Variants in NUP188 observed in about 807,000 individuals in gnomAD.
NUP188 encodes the protein nucleoporin 188.
Under a neutral mutation model 223.0 loss-of-function variants are expected in NUP188, and 97 were observed. That is an observed-to-expected ratio of 0.43 (90% CI 0.37 to 0.51). The LOEUF is 0.51. NUP188 is among the 20% of genes least tolerant of loss of function. NUP188 has a pLI of 0.00. For synonymous variants in NUP188, 869 were observed against 828.0 expected (o/e 1.05, Z -0.85); for missense variants, 1,947 against 2,175.6 (o/e 0.89, Z 2.09).
chr9:128,998,669 G>A, intron 32 of NUP188, 46 bp downstream of exon 32: 1 of 1,458,970 alleles, frequency 6.9e-7, no homozygotes, highest in Non-Finnish European at 9.6e-7. Flanking sequence ...GAGCCTTCTT[G>A]TCAGTGCCTG....
intron 1 of NUP188, 193 bp from the exon 2 acceptor site, chr9:128,948,996 A>G: frequency 2.1e-6 from 1 of 467,004 alleles, no homozygotes; most frequent in East Asian, 4.1e-5. Flanking sequence ...AAGTGCTGGG[A>G]TTACAGGCAT....
chr9:128,981,575 G>A (rs1842255058), intron 15 of NUP188, among the ~76,000 whole-genome samples, 185 bp downstream of exon 15: 1 of 152,054 alleles, frequency 6.6e-6, no homozygotes, highest in Non-Finnish European at 1.5e-5. Context: ...AATGCATCCA[G>A]GCAGTTACAC....
In NUP188 at chr9:128,993,371, C is replaced by G; in HGVS notation, c.2815C>G (p.Leu939Val). The G allele has an allele frequency of 6.2e-7, 1 of 1,614,184 alleles. No homozygotes were observed. The highest frequency in any genetic ancestry group is 8.5e-7 in the Non-Finnish European group (1 of 1,180,032). Residue 939 changes from leucine to valine, a missense_variant, in exon 26 of 44, where the codon CTG becomes GTG. Coordinates refer to ENST00000372577, the MANE Select transcript of NUP188 (RefSeq NM_015354.3). ...AGGCCTCATCGAACTGTTTCTGAAC[C>G]TGGAAGTTAAGGATGGCAGTGATGG... ...QPGLIELFLN[L>V]EVKDGSDGSK...
At chr9:128,960,014 T>G (rs1301514391) in intron 8 of NUP188, among the ~76,000 whole-genome samples, 1 of 151,892 alleles carries the variant, frequency 6.6e-6, no homozygotes, top group Non-Finnish European at 1.5e-5. Context: ...TATATCATCT[T>G]ATTATTTTCT....
In NUP188 at chr9:129,000,611, C is replaced by T. The variant is rs1842630580; in HGVS notation, c.3843+806C>T. On this transcript the variant is annotated intron_variant, in intron 34 of 43. Transcript: ENST00000372577. ...GGGATTACAGGCGTGAGCCACCACG[C>T]CTGGCCACAACCAGCATTTTTTTAA... 2.6e-5 allele frequency among the ~76,000 whole-genome samples: 4 copies of T among 152,038 alleles called. No individual in the cohort carries two copies. The South Asian group carries it at 8.3e-4, about 32-fold the overall frequency.
Position 128,982,669 on chromosome 9 carries a change from T to C in NUP188, c.1637T>C (p.Ile546Thr), listed in dbSNP as rs773818590. Residue 546 changes from isoleucine (I) to threonine (T), a missense_variant, in exon 16 of 44, where the codon ATT becomes ACT. Coordinates refer to ENST00000372577, the MANE Select transcript of NUP188 (RefSeq NM_015354.3). ...YSSWTLFTCE[I>T]EMLLHVVSTA... ...AGCTGGACCCTCTTTACCTGCGAGA[T>C]TGAAATGTTGCTTCATGTTGTTTCA... 8 of 1,613,964 alleles carry C rather than the reference T, an allele frequency of 5.0e-6. No homozygotes were observed. Among genetic ancestry groups the C allele is most frequent in the South Asian group, 1.1e-5 (1 of 91,072 alleles).
intron 20 of NUP188, 27 bp downstream of exon 20, chr9:128,985,041 G>A (rs1325229605): frequency 6.5e-7 from 1 of 1,532,348 alleles, no homozygotes; most frequent in Non-Finnish European, 9.0e-7. Context: ...TTCACAAAGG[G>A]CAGAAAAAGA....
rs1842494458 is a variant in NUP188 at position 128,994,908 on chromosome 9, T to C, written c.3140T>C (p.Ile1047Thr). The C allele has an allele frequency of 6.2e-7, 1 of 1,612,626 alleles. No individual in the cohort carries two copies. Among genetic ancestry groups the C allele is most frequent in the Non-Finnish European group, 8.5e-7 (1 of 1,178,596 alleles). Residue 1047 changes from isoleucine to threonine, a missense_variant, in exon 29 of 44, where the codon ATA becomes ACA. This residue lies in a region of NUP188 where 905 missense variants were observed against 990.6 expected (regional missense o/e 0.91). Transcript: ENST00000372577. ...ATCATGAAGATAATTTGCTTGGAGA[T>C]ATACTATGTAGTAAAGTGAGTACTT... ...ALIMKIICLE[I>T]YYVVKGSLDQ... is the part of the protein sequence containing the mutation.
At chr9:128,963,325 G>T (rs1247781491) in intron 8 of NUP188, among the ~76,000 whole-genome samples, 5 of 138,696 alleles carry the variant, frequency 3.6e-5, no homozygotes, top group African/African-American at 5.5e-5. Flanking sequence ...TCGCTCTGTC[G>T]CCCAGGCTGG....
Position 128,983,530 on chromosome 9 carries a change from C to T in NUP188, c.1941C>T (p.Ser647=). Residue 647 remains serine (S), a synonymous_variant, in exon 19 of 44, where the codon TCC becomes TCT. Transcript: ENST00000372577. ...GFLPFVAHPV[S]SLSQMISAEG... Reference sequence around the variant, plus strand: ...TACCATTTGTGGCCCATCCTGTCTCCAGCCTGAGTCAGATGATTAGGTGAG... The same window carrying T: ...TACCATTTGTGGCCCATCCTGTCTCTAGCCTGAGTCAGATGATTAGGTGAG... The T allele has an allele frequency of 6.2e-7, 1 of 1,613,956 alleles. No homozygotes were observed. The highest frequency in any genetic ancestry group is 1.3e-5 in the African/African-American group (1 of 75,020).
chr9:128,992,286 A>G (rs1466929335), intron 25 of NUP188, among the ~76,000 whole-genome samples: 1 of 151,942 alleles, frequency 6.6e-6, no homozygotes, highest in Non-Finnish European at 1.5e-5. Flanking sequence ...CTCCACTCCC[A>G]GGTTCATGCG....
chr9:129,000,692 G>A (rs1423495587), intron 34 of NUP188, among the ~76,000 whole-genome samples: 1 of 151,956 alleles, frequency 6.6e-6, no homozygotes, highest in Admixed American at 6.6e-5. Flanking sequence ...GTGACATTAG[G>A]GTAGGTATTA....
At position 129,006,336 on chromosome 9, in the gene NUP188, C is replaced by A; in HGVS notation, c.5041C>A (p.Gln1681Lys). 6.2e-7 allele frequency: 1 copy of A among 1,614,174 alleles called. No individual in the cohort carries two copies. The highest frequency in any genetic ancestry group is 8.5e-7 in the Non-Finnish European group (1 of 1,180,032). The change falls in exon 43 of 44, where the codon CAG (glutamine) becomes AAG (lysine). Residue 1681 changes from glutamine (Q) to lysine (K), a missense_variant. Physicochemically the swap from Gln to Lys is moderately conservative, Grantham distance 53 (BLOSUM62 1). Around this residue, in one of 3 missense-constraint regions of NUP188, gnomAD observed 905 missense variants for 990.6 expected, o/e 0.91. Coordinates refer to ENST00000372577, the MANE Select transcript of NUP188 (RefSeq NM_015354.3). ...RDPAVHPRDKQRMKQELSSEL... is the reference protein window; with the variant it reads ...RDPAVHPRDKKRMKQELSSEL... The stretch of plus-strand genomic sequence containing the variant: ...CCCGGCTGTGCACCCCCGGGACAAA[C>A]AGCGGATGAAGCAGGAGCTCAGCTC...
At chr9:128,977,502 A>G (rs1216783498) in intron 12 of NUP188, among the ~76,000 whole-genome samples, 1 of 152,174 alleles carries the variant, frequency 6.6e-6, no homozygotes, top group South Asian at 2.1e-4. Context: ...AGCGCTAAGG[A>G]TAAAACAATT....
At chr9:128,967,381 A>ATGG (rs909919816) in intron 8 of NUP188, among the ~76,000 whole-genome samples, 1 of 152,134 alleles carries the variant, frequency 6.6e-6, no homozygotes. Context: ...AGCTGGGTGT[A>ATGG]TGGTGGCTCA....
At chr9:129,002,440 C>A (rs1482611811) in intron 36 of NUP188, among the ~76,000 whole-genome samples, 2 of 152,208 alleles carry the variant, frequency 1.3e-5, no homozygotes, top group East Asian at 3.8e-4. Context: ...TTAACAGATA[C>A]CTCCTAATTT....
At chr9:128,956,215 G>T in intron 3 of NUP188, 135 bp from the exon 4 acceptor site, 1 of 502,538 alleles carries the variant, frequency 2.0e-6, no homozygotes, top group South Asian at 3.0e-5. Context: ...GTGTGTGCGT[G>T]TGTGTGTTTG....
Position 128,958,812 on chromosome 9 carries a change from A to C in NUP188, c.383A>C (p.Tyr128Ser). 6.3e-7 allele frequency: 1 copy of C among 1,577,652 alleles called. No individual in the cohort carries two copies. Among genetic ancestry groups the C allele is most frequent in the African/African-American group, 1.4e-5 (1 of 74,006 alleles). The change falls in exon 7 of 44, where the codon TAT becomes TCT. Residue 128 changes from tyrosine (Y) to serine (S), a missense_variant. This residue lies in a region of NUP188 where 817 missense variants were observed against 865.8 expected (regional missense o/e 0.94). Transcript: ENST00000372577. ...TTTTGGGTTCCTCAGATTGCAGATT[A>C]TTATTATGAAGAAAGAACCTGTATT... ...SQALILKIADYYYEERTCILR... is the reference protein window; with the variant it reads ...SQALILKIADSYYEERTCILR...
At chr9:128,948,400 A>G (rs536698132) in intron 1 of NUP188, 1 of 152,282 alleles carries the variant, frequency 6.6e-6, no homozygotes, top group East Asian at 1.9e-4. Context: ...GAAAACTACA[A>G]TTCTGACAAA....
Sources: allele counts gnomAD v4.1 joint callset (sites outside exome capture counted in the v4.1 genomes callset), GRCh38; gene constraint gnomAD v4.1.1; regional missense constraint gnomAD v4.1.1; transcripts MANE v1.5; gene names NCBI Gene and HGNC (gene_info 2026-07-23, HGNC 2026-07-21).